COL18A1: variants seen among roughly 807,000 people sequenced by gnomAD.
COL18A1 encodes the protein collagen type XVIII alpha 1 chain.
In COL18A1, 133 loss-of-function variants were observed where a neutral mutation model predicts 168.0. That is an observed-to-expected ratio of 0.79 (90% confidence interval 0.69 to 0.91). The LOEUF (loss-of-function observed/expected upper bound fraction) is 0.91. COL18A1 is among the 40% of genes least tolerant of loss of function. The pLI is 0.00. For missense variants in COL18A1, 2,126 were observed against 1,925.4 expected (o/e 1.10, Z -1.95); for synonymous variants, 949 against 809.0 (o/e 1.17, Z -2.94).
At chr21:45,444,077 C>T (rs996513244) in intron 2 of COL18A1, among the ~76,000 whole-genome samples, 6 of 152,202 alleles carry the variant, frequency 3.9e-5, no homozygotes, top group African/African-American at 7.2e-5. Context: ...TCTCTCTTGT[C>T]TTCTGTTCGG....
chr21:45,405,306 TC>T (rs1372934970), intron 1 of COL18A1, 65 bp downstream of exon 1: 110 of 645,488 alleles, frequency 1.7e-4, no homozygotes, highest in African/African-American at 1.2e-3. Flanking sequence ...GTCGCGGGGG[TC>T]GCGGGGCTCG....
At chr21:45,491,470 C>G (rs62216331) in intron 22 of COL18A1, among the ~76,000 whole-genome samples, 156 bp downstream of exon 22, 1,073 of 27,520 alleles carry the variant, frequency 0.039, 12 homozygotes, top group African/African-American at 0.086. Flanking sequence ...GGGCTGCAGA[C>G]GCCCTCGGTC....
intron 41 of COL18A1, 65 bp from the exon 42 acceptor site, chr21:45,512,123 G>A (rs905403191): frequency 1.3e-6 from 2 of 1,538,670 alleles, no homozygotes; most frequent in Admixed American, 1.9e-5. Context: ...TTCCTGCCCG[G>A]GGAGCGGCCT....
chr21:45,493,739 C>T (rs2036439278), intron 26 of COL18A1, 164 bp downstream of exon 26: 2 of 623,230 alleles, frequency 3.2e-6, no homozygotes, highest in Non-Finnish European at 5.6e-6. Context: ...TTTCTCGCAC[C>T]CATGTCGGCG....
In COL18A1 at chr21:45,486,919, C is replaced by A; in HGVS notation, c.1760C>A (p.Ala587Asp). The A allele has an allele frequency of 6.6e-7, 1 of 1,512,524 alleles. No individual in the cohort carries two copies. 93.7% of individuals were successfully genotyped at this position (1,512,524 alleles called of 1,614,324 possible). Residue 587 changes from alanine to aspartate, a missense_variant, in exon 16 of 42, where the codon GCC becomes GAC. By Grantham distance (126) the Ala-to-Asp change is moderately radical. Coordinates refer to ENST00000651438, the MANE Select transcript of COL18A1 (RefSeq NM_001379500.1). ...CGTGGGGAGAGCGGCCTGGCAGGAG[C>A]CCCCGGACCTGCTGGACCACCAGGC... ...GARGESGLAG[A>D]PGPAGPPGPP...
At position 45,463,101 on chromosome 21, in the gene COL18A1, G is replaced by A. The variant is rs2035096485; in HGVS notation, c.107-5141G>A. 6.6e-6 allele frequency among the ~76,000 whole-genome samples: 1 copy of A among 152,150 alleles called. No homozygotes were observed. Among genetic ancestry groups the A allele is most frequent in the Non-Finnish European group, 1.5e-5 (1 of 68,026 alleles). ...AAAGGAGGAATAAGATAAAAATGAG[G>A]GAGAAAAAACAGTGCCAGCCCTCTA... On this transcript the variant is annotated intron_variant, in intron 2 of 41. Coordinates refer to ENST00000651438, the MANE Select transcript of COL18A1 (RefSeq NM_001379500.1). This position sits in a 1 kb window ranked among gnomAD's most constrained non-coding sequence, Gnocchi z 4.0.
intron 32 of COL18A1, among the ~76,000 whole-genome samples, chr21:45,503,192 G>A (rs1418157151): frequency 6.6e-6 from 1 of 152,188 alleles, no homozygotes; most frequent in African/African-American, 2.4e-5. Flanking sequence ...CACCAACAGT[G>A]TAAAAGTGTT....
chr21:45,489,588 G>A, intron 19 of COL18A1, 67 bp downstream of exon 19: 1 of 1,077,806 alleles, frequency 9.3e-7, no homozygotes, highest in Non-Finnish European at 1.3e-6. Flanking sequence ...CCGGACACCT[G>A]CGGAGATCAG....
At chr21:45,496,392 C>G in intron 29 of COL18A1, 108 bp from the exon 30 acceptor site, 1 of 777,578 alleles carries the variant, frequency 1.3e-6, no homozygotes. Flanking sequence ...GGTCAGAGGT[C>G]TGCCTGGTCA....
At chr21:45,497,360 C>G (rs951477722) in intron 31 of COL18A1, among the ~76,000 whole-genome samples, 2 of 152,252 alleles carry the variant, frequency 1.3e-5, no homozygotes, top group Non-Finnish European at 2.9e-5. Context: ...TGGAAGCAGC[C>G]CCGTCCCTCC....
At chr21:45,407,922 C>T (rs906446687) in intron 2 of COL18A1, 2 of 152,276 alleles carry the variant, frequency 1.3e-5, no homozygotes, top group Non-Finnish European at 2.9e-5. Context: ...ACCTGGGTTC[C>T]GTGGGTGTGG....
chr21:45,474,477 C>CTCTGTGTGTGGTGTG (rs2035565662), intron 4 of COL18A1, among the ~76,000 whole-genome samples: 2 of 124,492 alleles, frequency 1.6e-5, no homozygotes, highest in Non-Finnish European at 3.2e-5. Flanking sequence ...TGTGGTGTGT[C>CTCTGTGTGTGGTGTG]TCTGTGTGTG....
chr21:45,495,087 C>T, intron 28 of COL18A1, 172 bp downstream of exon 28: 2 of 682,792 alleles, frequency 2.9e-6, no homozygotes, highest in Non-Finnish European at 5.1e-6. Flanking sequence ...ATGTGGCTGG[C>T]AGTACCCCAC....
intron 2 of COL18A1, 101 bp from the exon 3 acceptor site, chr21:45,468,141 T>G: frequency 7.6e-7 from 1 of 1,311,562 alleles, no homozygotes; most frequent in South Asian, 1.3e-5. Flanking sequence ...CCAGACTCAG[T>G]TTCTCCTTTC....
chr21:45,452,964 T>G lies in COL18A1; in HGVS notation c.107-15278T>G, dbSNP rs537200253. 2.4e-4 allele frequency among the ~76,000 whole-genome samples: 36 copies of G among 152,062 alleles called. No homozygotes were observed. The South Asian group carries it at 6.6e-3, about 28-fold the overall frequency. On this transcript the variant is annotated intron_variant, in intron 2 of 41. Transcript: ENST00000651438. ...TGAGCATGTATGTACATGTGTGACC[T>G]TGTGTATGCATGAGTATTCACATGT...
intron 2 of COL18A1, among the ~76,000 whole-genome samples, chr21:45,458,562 A>C (rs149242070): frequency 1.9e-4 from 29 of 152,146 alleles, no homozygotes; most frequent in Non-Finnish European, 7.4e-5. Context: ...CCTTGCAGGC[A>C]ACCCCCCCGG....
chr21:45,422,736 A>C (rs2033666695), intron 2 of COL18A1: 1 of 269,982 alleles, frequency 3.7e-6, no homozygotes, highest in Admixed American at 5.2e-5. Context: ...TCCTGGGTGG[A>C]GGGGCCTGTT....
Position 45,490,908 on chromosome 21 carries a change from G to A in COL18A1, c.2067+37G>A, listed in dbSNP as rs571084396. ...TGGGGCGGGTGGATGGGGATGGGGG[G>A]CGCTGGGACATCCCAGAAGGTTTGG... On this transcript the variant is annotated intron_variant, in intron 21 of 41. Coordinates refer to ENST00000651438, the MANE Select transcript of COL18A1 (RefSeq NM_001379500.1). 121 of 1,539,784 alleles carry A rather than the reference G, an allele frequency of 7.9e-5. No homozygotes were observed. The Middle Eastern group carries it at 1.5e-3, about 19-fold the overall frequency.
intron 6 of COL18A1, among the ~76,000 whole-genome samples, chr21:45,477,102 G>A (rs957269661): frequency 6.6e-6 from 1 of 152,192 alleles, no homozygotes; most frequent in Non-Finnish European, 1.5e-5. Flanking sequence ...AGCATGCTGG[G>A]TGATAAGAAG....
Sources: allele counts gnomAD v4.1 joint callset (sites outside exome capture counted in the v4.1 genomes callset), GRCh38; gene constraint gnomAD v4.1.1; non-coding constraint Gnocchi (gnomAD v3.1); transcripts MANE v1.5; gene names NCBI Gene and HGNC (gene_info 2026-07-23, HGNC 2026-07-21).